Variants in LIN7A observed in about 807,000 individuals in gnomAD.
LIN7A encodes protein lin-7 homolog A.
In LIN7A, 25 loss-of-function variants were observed where a neutral mutation model predicts 29.8. The ratio of observed to expected loss-of-function variants is 0.84; its 90% CI spans 0.61 to 1.17. The LOEUF is 1.17. Among genes scored for constraint, LIN7A ranks in the 50% most tolerant of loss-of-function variants. The probability of loss-of-function intolerance (pLI) is 0.00; values close to 1 mark genes in which losing one functional copy is unlikely to be tolerated. For missense variants in LIN7A, 239 were observed against 287.0 expected (o/e 0.83, Z 1.21); for synonymous variants, 118 against 107.5 (o/e 1.10, Z -0.60).
chr12:80,912,271 A>G (rs1307809540), intron 1 of LIN7A, among the ~76,000 whole-genome samples: 1 of 136,264 alleles, frequency 7.3e-6, no homozygotes. Flanking sequence ...ATCATTAGTT[A>G]TATAAAAGGC....
intron 2 of LIN7A, among the ~76,000 whole-genome samples, chr12:80,861,820 T>G (rs982262487): frequency 2.0e-5 from 3 of 152,214 alleles, no homozygotes; most frequent in Admixed American, 2.0e-4. Context: ...CAGACATGAC[T>G]TAAAGATGAC....
chr12:80,914,627 G>A (rs910612213), intron 1 of LIN7A, among the ~76,000 whole-genome samples: 1 of 152,172 alleles, frequency 6.6e-6, no homozygotes, highest in Non-Finnish European at 1.5e-5. Context: ...CTGCCCAGAT[G>A]TTAAGCTTAG....
chr12:80,893,831 C>T lies in LIN7A; in HGVS notation c.83-4462G>A, dbSNP rs143932791. Among the ~76,000 whole-genome samples, 729 of 152,212 alleles carry T rather than the reference C, an allele frequency of 4.8e-3. 4 individuals are homozygous for T. Among genetic ancestry groups the T allele is most frequent in the Non-Finnish European group, 8.5e-3 (581 of 68,004 alleles). ...TGGAGCCTAAACCATCTTGAGGTAC[C>T]CCTTAAGCCATCTAGTGGGTACCCC... is the stretch of plus-strand genomic sequence containing the variant. On this transcript the variant is annotated intron_variant, in intron 1 of 5. Coordinates refer to ENST00000552864, the MANE Select transcript of LIN7A (RefSeq NM_004664.4).
intron 1 of LIN7A, among the ~76,000 whole-genome samples, chr12:80,907,728 C>A (rs1264992998): frequency 6.6e-6 from 1 of 152,034 alleles, no homozygotes; most frequent in East Asian, 1.9e-4. Context: ...TAGAGTGTTA[C>A]ACCAACCTGG....
intron 1 of LIN7A, among the ~76,000 whole-genome samples, chr12:80,893,994 G>A (rs1005326393): frequency 6.6e-6 from 1 of 152,174 alleles, no homozygotes; most frequent in African/African-American, 2.4e-5. Context: ...AGGTGGGAGT[G>A]ATAAATGGAT....
chr12:80,883,651 A>G (rs2120604643), intron 2 of LIN7A, among the ~76,000 whole-genome samples: 1 of 152,318 alleles, frequency 6.6e-6, no homozygotes, highest in East Asian at 1.9e-4. Flanking sequence ...ATTGGCTACC[A>G]CACACTGTAC....
At chr12:80,883,085 C>T (rs1875148623) in intron 2 of LIN7A, among the ~76,000 whole-genome samples, 1 of 150,652 alleles carries the variant, frequency 6.6e-6, no homozygotes, top group South Asian at 2.1e-4. Context: ...TCTTCTCTCT[C>T]TTTCTGTTTT....
chr12:80,808,965 GCTT>G (rs896889527), intron 5 of LIN7A, among the ~76,000 whole-genome samples: 2 of 143,794 alleles, frequency 1.4e-5, no homozygotes, highest in African/African-American at 2.7e-5. Context: ...TTTCTGTGTA[GCTT>G]CTTCTTTTCA....
intron 1 of LIN7A, among the ~76,000 whole-genome samples, chr12:80,933,560 A>G (rs1878035966): frequency 6.6e-6 from 1 of 152,172 alleles, no homozygotes; most frequent in African/African-American, 2.4e-5. Context: ...AGAGCACTTC[A>G]AATTTCAACT....
chr12:80,923,846 T>G (rs932445578), intron 1 of LIN7A, among the ~76,000 whole-genome samples: 2 of 152,242 alleles, frequency 1.3e-5, no homozygotes, highest in Admixed American at 6.5e-5. Flanking sequence ...TTGTTTAGCC[T>G]CTTTATGCCT....
chr12:80,936,355 C>T (rs1878215999), intron 1 of LIN7A: 1 of 152,298 alleles, frequency 6.6e-6, no homozygotes, highest in Non-Finnish European at 1.5e-5. Context: ...CAACAGATTG[C>T]GTTAAAGTCA....
chr12:80,833,364 G>T (rs569754036), intron 4 of LIN7A, among the ~76,000 whole-genome samples: 1 of 152,104 alleles, frequency 6.6e-6, no homozygotes, highest in African/African-American at 2.4e-5. Context: ...TTATAGTCCC[G>T]TTACATCCAA....
At chr12:80,922,229 G>T (rs7134827) in intron 1 of LIN7A, among the ~76,000 whole-genome samples, 2 of 151,902 alleles carry the variant, frequency 1.3e-5, no homozygotes, top group Admixed American at 1.3e-4. Flanking sequence ...CTTAAAATCC[G>T]TATTAAAACC....
chr12:80,920,499 A>G (rs1247402404), intron 1 of LIN7A, among the ~76,000 whole-genome samples: 4 of 152,174 alleles, frequency 2.6e-5, no homozygotes, highest in African/African-American at 7.2e-5. Flanking sequence ...TAAATTAAGG[A>G]TATATACTCT....
At chr12:80,874,298 T>C (rs374734316) in intron 2 of LIN7A, among the ~76,000 whole-genome samples, 3 of 152,204 alleles carry the variant, frequency 2.0e-5, no homozygotes, top group African/African-American at 7.2e-5. Flanking sequence ...AGAAAAGAAC[T>C]ATGGGCACAT....
chr12:80,933,748 C>T (rs1376108624), intron 1 of LIN7A, among the ~76,000 whole-genome samples: 1 of 152,100 alleles, frequency 6.6e-6, no homozygotes, highest in African/African-American at 2.4e-5. Flanking sequence ...AACTTTGCCT[C>T]CTCACTTTCT....
At chr12:80,823,044 C>G (rs568014046) in intron 4 of LIN7A, among the ~76,000 whole-genome samples, 1 of 152,284 alleles carries the variant, frequency 6.6e-6, no homozygotes, top group Non-Finnish European at 1.5e-5. Flanking sequence ...GATGATGGGT[C>G]GACCAGTCTG....
intron 1 of LIN7A, among the ~76,000 whole-genome samples, chr12:80,899,048 GTC>G (rs1316360702): frequency 6.6e-6 from 1 of 152,070 alleles, no homozygotes; most frequent in Non-Finnish European, 1.5e-5. Flanking sequence ...AGGCATCCTT[GTC>G]TTTTTCTCAT....
At chr12:80,854,483 A>G (rs1445322251) in intron 2 of LIN7A, among the ~76,000 whole-genome samples, 1 of 132,358 alleles carries the variant, frequency 7.6e-6, no homozygotes, top group Non-Finnish European at 1.6e-5. Flanking sequence ...CATGTTGCTA[A>G]GCCAAAAAAA....
Sources: gnomAD v4.1 joint callset for allele counts (sites outside exome capture counted in the v4.1 genomes callset) on GRCh38, gnomAD v4.1.1 for gene constraint, MANE v1.5 for transcripts, NCBI Gene and HGNC (gene_info 2026-07-23, HGNC 2026-07-21) for gene names.